RSU1: variants seen among roughly 807,000 people sequenced by gnomAD.
RSU1 encodes the protein rsu-1.
A neutral mutation model predicts 31.1 loss-of-function variants in RSU1; 26 were observed. The observed-to-expected ratio is 0.84, with a 90% CI of 0.61 to 1.16. The LOEUF (loss-of-function observed/expected upper bound fraction) is 1.16. Among genes scored for constraint, RSU1 ranks in the 50% most tolerant of loss-of-function variants. The pLI is 0.00. For missense variants in RSU1, 320 were observed against 339.1 expected (o/e 0.94, Z 0.44); for synonymous variants, 164 against 136.3 (o/e 1.20, Z -1.41).
intron 2 of RSU1, among the ~76,000 whole-genome samples, chr10:16,802,906 A>G (rs924594175): frequency 6.6e-6 from 1 of 152,108 alleles, no homozygotes; most frequent in Non-Finnish European, 1.5e-5. Context: ...TCTACAAAAA[A>G]CCTGCAATTA....
intron 8 of RSU1, among the ~76,000 whole-genome samples, chr10:16,630,610 G>A (rs1834230675): frequency 6.6e-6 from 1 of 152,180 alleles, no homozygotes; most frequent in Non-Finnish European, 1.5e-5. Context: ...CCGACTCCCA[G>A]ACTGTCTCTT....
At chr10:16,777,781 T>G (rs940814861) in intron 3 of RSU1, among the ~76,000 whole-genome samples, 7 of 151,838 alleles carry the variant, frequency 4.6e-5, no homozygotes, top group Non-Finnish European at 8.8e-5. Flanking sequence ...CAGCTGACAG[T>G]GGCTTGAAAG....
At chr10:16,763,322 T>A (rs1477941315) in intron 4 of RSU1, among the ~76,000 whole-genome samples, 1 of 152,112 alleles carries the variant, frequency 6.6e-6, no homozygotes, top group Non-Finnish European at 1.5e-5. Flanking sequence ...ATAGGAAGCG[T>A]GGCAGCAGCT....
rs10547207 is a variant in RSU1, at chr10:16,770,957, TAAA to T, written c.161-6450_161-6448del. 5.5e-3 allele frequency among the ~76,000 whole-genome samples: 659 copies of T among 120,064 alleles called. 4 individuals carry two copies. Among genetic ancestry groups the T allele is most frequent in the African/African-American group, 0.011 (362 of 32,842 alleles). 78.8% of individuals were successfully genotyped at this position (120,064 alleles called of 152,430 possible). ...TCTAAAAACCTGACATATTGCTATT[TAAA>T]AAAAAAAAAAAAAAAAAAAAGGAAG... On this transcript the variant is annotated intron_variant, in intron 3 of 8. Transcript: ENST00000345264.
intron 7 of RSU1, among the ~76,000 whole-genome samples, chr10:16,736,415 C>A (rs7916020): frequency 2.0e-5 from 3 of 152,182 alleles, no homozygotes; most frequent in Non-Finnish European, 2.9e-5. Flanking sequence ...AGGCAGTAAT[C>A]CCAGAAGTCT....
intron 7 of RSU1, among the ~76,000 whole-genome samples, chr10:16,714,257 G>A (rs1035878194): frequency 8.5e-5 from 13 of 152,326 alleles, no homozygotes; most frequent in African/African-American, 3.1e-4. Flanking sequence ...CATAGGTGCA[G>A]CTGTGTCAGG....
At chr10:16,796,911 G>A (rs551472524) in intron 2 of RSU1, among the ~76,000 whole-genome samples, 45 of 152,310 alleles carry the variant, frequency 3.0e-4, no homozygotes, top group African/African-American at 1.0e-3. Flanking sequence ...CCCAAAGATT[G>A]GCATGATATC....
intron 8 of RSU1, among the ~76,000 whole-genome samples, chr10:16,595,403 A>G (rs932679193): frequency 1.3e-5 from 2 of 152,206 alleles, no homozygotes; most frequent in Admixed American, 1.3e-4. Context: ...AGCAGGTTCC[A>G]TCGGCGGTCA....
chr10:16,632,008 G>A (rs369292769), intron 8 of RSU1, among the ~76,000 whole-genome samples: 1 of 152,268 alleles, frequency 6.6e-6, no homozygotes, highest in African/African-American at 2.4e-5. Flanking sequence ...CTGCTGCCTT[G>A]ACTGACAAGC....
chr10:16,790,115 G>A (rs1405294167), intron 2 of RSU1, among the ~76,000 whole-genome samples: 1 of 152,152 alleles, frequency 6.6e-6, no homozygotes, highest in African/African-American at 2.4e-5. Context: ...TCTTGAGCCA[G>A]GAAGGGAATC....
chr10:16,647,609 T>A (rs886994305), intron 8 of RSU1, among the ~76,000 whole-genome samples: 3 of 152,154 alleles, frequency 2.0e-5, no homozygotes, highest in African/African-American at 7.2e-5. Flanking sequence ...TTATATGAAA[T>A]GTCCAGAACA....
At chr10:16,812,330 T>C (rs183191198) in intron 2 of RSU1, among the ~76,000 whole-genome samples, 177 of 152,238 alleles carry the variant, frequency 1.2e-3, no homozygotes, top group African/African-American at 4.1e-3. Context: ...TAACCCCAGT[T>C]ACTGGGGAGG....
At chr10:16,650,740 C>T (rs545058246) in intron 8 of RSU1, among the ~76,000 whole-genome samples, 3 of 145,016 alleles carry the variant, frequency 2.1e-5, no homozygotes, top group African/African-American at 4.9e-5. Flanking sequence ...CCACCACACC[C>T]GGCTACTTTT....
At chr10:16,790,130 G>A (rs1367754859) in intron 2 of RSU1, among the ~76,000 whole-genome samples, 1 of 152,116 alleles carries the variant, frequency 6.6e-6, no homozygotes, top group Non-Finnish European at 1.5e-5. Flanking sequence ...GGAATCAGCA[G>A]GAAAATGCTC....
At chr10:16,763,313 T>G (rs1837245971) in intron 4 of RSU1, among the ~76,000 whole-genome samples, 1 of 152,128 alleles carries the variant, frequency 6.6e-6, no homozygotes, top group Admixed American at 6.5e-5. Context: ...ACCGGCTGTA[T>G]AGGAAGCGTG....
intron 8 of RSU1, among the ~76,000 whole-genome samples, chr10:16,644,568 C>G (rs1834502427): frequency 6.6e-6 from 1 of 152,152 alleles, no homozygotes; most frequent in South Asian, 2.1e-4. Flanking sequence ...TGCTCAAGGT[C>G]ATACAGCTAA....
At chr10:16,675,149 T>C (rs1835203423) in intron 8 of RSU1, among the ~76,000 whole-genome samples, 1 of 139,072 alleles carries the variant, frequency 7.2e-6, no homozygotes, top group South Asian at 2.2e-4. Context: ...GAGGTTGCGG[T>C]GAGATTGCAC....
intron 8 of RSU1, among the ~76,000 whole-genome samples, chr10:16,602,202 C>T (rs181536042): frequency 7.2e-5 from 11 of 152,274 alleles, no homozygotes; most frequent in African/African-American, 1.4e-4. Context: ...CAAAGCCCTA[C>T]GGGATGTATC....
chr10:16,733,498 ACT>A (rs1486868564), intron 7 of RSU1, among the ~76,000 whole-genome samples: 12 of 152,024 alleles, frequency 7.9e-5, no homozygotes, highest in Non-Finnish European at 1.5e-4. Context: ...ACAGAGTGAG[ACT>A]CTGTCGCAAA....
Sources: allele counts gnomAD v4.1 joint callset (sites outside exome capture counted in the v4.1 genomes callset), GRCh38; gene constraint gnomAD v4.1.1; transcripts MANE v1.5; gene names NCBI Gene and HGNC (gene_info 2026-07-23, HGNC 2026-07-21).